HERC3: variants seen among roughly 807,000 people sequenced by gnomAD.
HERC3 encodes the protein HECT and RLD domain containing E3 ubiquitin protein ligase 3.
Under a neutral mutation model 129.9 loss-of-function variants are expected in HERC3, and 58 were observed. The observed-to-expected ratio is 0.45, with a 90% CI of 0.36 to 0.56. HERC3 has a LOEUF of 0.56. HERC3 is among the 20% of genes least tolerant of loss of function. The pLI is 0.00. For missense variants in HERC3, 835 were observed against 1,244.2 expected (o/e 0.67, Z 4.95); for synonymous variants, 430 against 451.0 (o/e 0.95, Z 0.59).
At chr4:88,546,713 A>G in the HERC3 span, among the ~76,000 whole-genome samples, 2 of 152,292 alleles carry the variant, frequency 1.3e-5, no homozygotes, top group Admixed American at 6.5e-5. Flanking sequence ...ACCTGTTTCA[A>G]TGAAATCATA....
intron 23 of HERC3, among the ~76,000 whole-genome samples, 178 bp downstream of exon 23, chr4:88,687,477 C>T (rs1007534047): frequency 1.3e-5 from 2 of 152,176 alleles, no homozygotes; most frequent in African/African-American, 2.4e-5. Flanking sequence ...AGCAAGCACC[C>T]GGCCTAGATT....
At chr4:88,602,313 A>T (rs992611757) in intron 2 of HERC3, among the ~76,000 whole-genome samples, 9 of 150,088 alleles carry the variant, frequency 6.0e-5, no homozygotes, top group African/African-American at 2.2e-4. Flanking sequence ...GAGGCAGGAG[A>T]ATTACTTGAA....
chr4:88,669,426 T>C (rs1731382848), intron 14 of HERC3, among the ~76,000 whole-genome samples: 1 of 152,184 alleles, frequency 6.6e-6, no homozygotes, highest in African/African-American at 2.4e-5. Context: ...GGGAAGGGAA[T>C]GGTTGCCATA....
In HERC3 at chr4:88,681,343, G is replaced by A. The variant is rs757749189; in HGVS notation, c.2507+18G>A. The A allele has an allele frequency of 2.8e-5, 45 of 1,599,804 alleles. No individual in the cohort carries two copies. Among genetic ancestry groups the A allele is most frequent in the Admixed American group, 3.5e-5 (2 of 57,468 alleles). ...GAAGGAAGGTACAAAGCTAAAAGGC[G>A]ATTGGTATCTGAAACTGTTGTGGCT... On this transcript the variant is annotated intron_variant, in intron 21 of 25. Coordinates refer to ENST00000402738, the MANE Select transcript of HERC3 (RefSeq NM_014606.3).
chr4:88,606,593 T>C (rs1458220485), intron 3 of HERC3, among the ~76,000 whole-genome samples: 2 of 152,112 alleles, frequency 1.3e-5, no homozygotes, highest in African/African-American at 2.4e-5. Flanking sequence ...GTTTATTGGG[T>C]TTACAGTTCC....
intron 23 of HERC3, among the ~76,000 whole-genome samples, chr4:88,692,410 T>C (rs745966437): frequency 1.3e-5 from 2 of 151,988 alleles, no homozygotes; most frequent in African/African-American, 2.4e-5. Context: ...TAGTAAGAAA[T>C]GCCAAACTTA....
the HERC3 span, among the ~76,000 whole-genome samples, chr4:88,533,920 A>G: frequency 6.6e-6 from 1 of 152,116 alleles, no homozygotes; most frequent in Non-Finnish European, 1.5e-5. Flanking sequence ...ATGTACCTTC[A>G]CTATCACCCA....
the HERC3 span, among the ~76,000 whole-genome samples, chr4:88,531,286 C>T: frequency 6.6e-6 from 1 of 151,896 alleles, no homozygotes; most frequent in South Asian, 2.1e-4. Context: ...GCTGTCCTCC[C>T]CCCTCAGCCT....
At chr4:88,654,190 T>G (rs1578249467) in intron 7 of HERC3, 57 bp downstream of exon 7, 1 of 1,186,724 alleles carries the variant, frequency 8.4e-7, no homozygotes, top group East Asian at 2.4e-5. Context: ...TGATTAGAAT[T>G]GCTTGATTAT....
At chr4:88,596,383 TA>T (rs1722392120) in intron 2 of HERC3, among the ~76,000 whole-genome samples, 1 of 152,202 alleles carries the variant, frequency 6.6e-6, no homozygotes, top group Non-Finnish European at 1.5e-5. Flanking sequence ...GTTTTATTAT[TA>T]CTCAGGGTGG....
intron 3 of HERC3, among the ~76,000 whole-genome samples, chr4:88,642,426 C>T (rs553220337): frequency 6.6e-6 from 1 of 152,308 alleles, no homozygotes; most frequent in East Asian, 1.9e-4. Context: ...ACCAACAAAT[C>T]TTATAGCTAT....
At position 88,707,128 on chromosome 4, in the gene HERC3, C is replaced by A; in HGVS notation, c.*168C>A. The A allele has an allele frequency of 3.2e-6, 2 of 625,166 alleles. No individual in the cohort carries two copies. The highest frequency in any genetic ancestry group is 3.1e-5 in the Admixed American group (1 of 32,770). The allele number at this position is 625,166 out of a possible 1,614,324, so 38.7% of individuals were successfully genotyped here. ...TCTGGGATTGTATAGCAGTAAACAA[C>A]CTTTTTGAAAAATTAGAGGTTGGGG... On this transcript the variant is annotated 3_prime_UTR_variant, in exon 26 of 26. Transcript: ENST00000402738.
intron 16 of HERC3, among the ~76,000 whole-genome samples, chr4:88,672,934 C>G (rs141011200): frequency 1.1e-4 from 16 of 152,240 alleles, no homozygotes; most frequent in African/African-American, 3.6e-4. Context: ...GTGTTTAGCC[C>G]AGAAGCAGCA....
chr4:88,670,155 A>G lies in HERC3; in HGVS notation c.1814A>G (p.Lys605Arg), dbSNP rs1333185172. The change falls in exon 16 of 26, where the codon AAG becomes AGG. Residue 605 changes from lysine to arginine, a missense_variant. Transcript: ENST00000402738. ...EKLYKVNLKVKHVEYDTFYIP... is the reference protein window; with the variant it reads ...EKLYKVNLKVRHVEYDTFYIP... ...CTTCATTAGGTAAATCTTAAAGTGA[A>G]GCATGTGGAATATGATACATTTTAC... is the stretch of plus-strand genomic sequence containing the variant. 6.2e-7 allele frequency: 1 copy of G among 1,612,986 alleles called. No individual in the cohort carries two copies. The highest frequency in any genetic ancestry group is 1.3e-5 in the African/African-American group (1 of 75,010).
rs1031729320 is a variant in HERC3 at position 88,617,159 on chromosome 4, A to G, written c.226+11110A>G. Among the ~76,000 whole-genome samples, 6 of 141,796 alleles carry G rather than the reference A, an allele frequency of 4.2e-5. No individual in the cohort carries two copies. The East Asian group carries it at 1.1e-3, about 25-fold the overall frequency. The allele number at this position is 141,796 out of a possible 152,430, so 93.0% of individuals were successfully genotyped here. On this transcript the variant is annotated intron_variant, in intron 3 of 25. Coordinates refer to ENST00000402738, the MANE Select transcript of HERC3 (RefSeq NM_014606.3). ...AGTTTGAGGCCAGCCTGTGCAATAT[A>G]GTAAGACCCTGTCTCCAAAAAAAAA...
the HERC3 span, among the ~76,000 whole-genome samples, chr4:88,556,701 T>G: frequency 1.3e-5 from 2 of 152,102 alleles, no homozygotes; most frequent in Non-Finnish European, 2.9e-5. Flanking sequence ...ACAGCCATCT[T>G]CCTCAGACAC....
At chr4:88,542,094 A>G in the HERC3 span, among the ~76,000 whole-genome samples, 1 of 152,198 alleles carries the variant, frequency 6.6e-6, no homozygotes, top group Non-Finnish European at 1.5e-5. Flanking sequence ...AATAACTAAG[A>G]TTGGAGCAGA....
At chr4:88,625,994 C>A (rs369131454) in intron 3 of HERC3, among the ~76,000 whole-genome samples, 36 of 152,140 alleles carry the variant, frequency 2.4e-4, no homozygotes, top group African/African-American at 8.4e-4. Context: ...TGGAATAAAT[C>A]TCACTTGGTA....
chr4:88,541,602 T>C, the HERC3 span, among the ~76,000 whole-genome samples: 2 of 152,146 alleles, frequency 1.3e-5, no homozygotes, highest in African/African-American at 4.8e-5. Flanking sequence ...CTAATAGACA[T>C]CTACAGAACT....
Sources: allele counts gnomAD v4.1 joint callset (sites outside exome capture counted in the v4.1 genomes callset), GRCh38; gene constraint gnomAD v4.1.1; transcripts MANE v1.5; gene names NCBI Gene and HGNC (gene_info 2026-07-23, HGNC 2026-07-21).